The following NELL2 variants were observed in gnomAD, a reference collection of about 807,000 sequenced individuals.
NELL2 encodes the protein protein kinase C-binding protein NELL2.
In NELL2, 41 loss-of-function variants were observed where a neutral mutation model predicts 109.6. That is an observed-to-expected ratio of 0.37 (90% CI 0.29 to 0.49). The LOEUF (loss-of-function observed/expected upper bound fraction) is 0.49. Ranked by LOEUF, NELL2 falls within the 20% of genes least tolerant of loss-of-function variation. The pLI is 0.98. For synonymous variants in NELL2, 355 were observed against 344.7 expected (o/e 1.03, Z -0.33); for missense variants, 900 against 1,008.3 (o/e 0.89, Z 1.45).
chr12:44,880,830 T>TTTGTTG (rs1422181455), upstream of NELL2: 20 of 141,996 alleles, frequency 1.4e-4, no homozygotes, highest in African/African-American at 5.5e-4. Flanking sequence ...AGTTCTTTGT[T>TTTGTTG]TTGTTCTTGT....
At chr12:44,795,925 G>C (rs1381680338) in intron 3 of NELL2, among the ~76,000 whole-genome samples, 2 of 152,010 alleles carry the variant, frequency 1.3e-5, no homozygotes, top group Non-Finnish European at 2.9e-5. Context: ...TGATATTTTT[G>C]TTAATTCATT....
At chr12:44,790,682 T>C (rs773705161) in intron 3 of NELL2, among the ~76,000 whole-genome samples, 5 of 151,022 alleles carry the variant, frequency 3.3e-5, no homozygotes, top group Non-Finnish European at 7.4e-5. Context: ...ACATTGAATG[T>C]AAATGGCCTA....
chr12:44,553,571 G>A (rs1185904420), intron 15 of NELL2, among the ~76,000 whole-genome samples: 1 of 152,094 alleles, frequency 6.6e-6, no homozygotes, highest in Non-Finnish European at 1.5e-5. Flanking sequence ...CAAATATATA[G>A]TGAACTATGA....
intron 15 of NELL2, among the ~76,000 whole-genome samples, chr12:44,575,502 A>C (rs1944040019): frequency 6.6e-6 from 1 of 152,236 alleles, no homozygotes; most frequent in Admixed American, 6.5e-5. Flanking sequence ...ATAATTTATA[A>C]TAAAATATTA....
intron 1 of NELL2, among the ~76,000 whole-genome samples, chr12:44,907,290 G>A (rs755142446): frequency 7.2e-5 from 11 of 152,028 alleles, no homozygotes; most frequent in Admixed American, 3.9e-4. Context: ...CAAAGACTAT[G>A]AGAATAGACA....
chr12:44,542,384 A>G (rs1942615408), intron 15 of NELL2, among the ~76,000 whole-genome samples: 1 of 151,396 alleles, frequency 6.6e-6, no homozygotes. Context: ...TGTAGCTACC[A>G]AATTCTTAGT....
At chr12:44,858,469 C>T (rs1944745311) in intron 2 of NELL2, among the ~76,000 whole-genome samples, 2 of 152,152 alleles carry the variant, frequency 1.3e-5, no homozygotes, top group Non-Finnish European at 2.9e-5. Context: ...AAAAACAGTT[C>T]AGGGAATATG....
chr12:44,541,259 A>AAT (rs1200825331), intron 15 of NELL2, among the ~76,000 whole-genome samples: 4 of 150,262 alleles, frequency 2.7e-5, no homozygotes, highest in African/African-American at 9.7e-5. Flanking sequence ...TCAAAAAAAA[A>AAT]AAAAAAAGAA....
At chr12:44,624,971 A>C (rs1377001) in intron 13 of NELL2, among the ~76,000 whole-genome samples, 22,333 of 141,312 alleles carry the variant, frequency 0.16, 2,111 homozygotes, top group East Asian at 0.35. Flanking sequence ...AAAAGAGAAG[A>C]TGACAAATAT....
chr12:44,663,866 AT>A (rs1280604047), intron 13 of NELL2, among the ~76,000 whole-genome samples: 1 of 152,184 alleles, frequency 6.6e-6, no homozygotes. Context: ...TTCACTTAAA[AT>A]TTCTAACACT....
intron 2 of NELL2, among the ~76,000 whole-genome samples, chr12:44,825,972 G>A (rs1411347879): frequency 2.0e-5 from 3 of 151,862 alleles, no homozygotes; most frequent in African/African-American, 7.3e-5. Flanking sequence ...AACCTGGGAG[G>A]CGGAGGTTGC....
intron 16 of NELL2, among the ~76,000 whole-genome samples, chr12:44,528,097 CAAAAAA>C (rs71093812): frequency 0.019 from 406 of 21,860 alleles, 1 homozygote; most frequent in African/African-American, 0.063. Flanking sequence ...GACTCCGTCT[CAAAAAA>C]AAAAAAAAAA....
chr12:44,633,141 C>T (rs1481900514), intron 13 of NELL2, among the ~76,000 whole-genome samples: 1 of 151,774 alleles, frequency 6.6e-6, no homozygotes, highest in Non-Finnish European at 1.5e-5. Context: ...TTAATAGATG[C>T]TAAGAGGAAA....
At chr12:44,810,671 C>G (rs1943144785) in intron 3 of NELL2, among the ~76,000 whole-genome samples, 1 of 152,124 alleles carries the variant, frequency 6.6e-6, no homozygotes, top group Non-Finnish European at 1.5e-5. Context: ...GTAGGCAAGC[C>G]AGCTCCAGCA....
At chr12:44,627,690 C>G (rs1946315547) in intron 13 of NELL2, among the ~76,000 whole-genome samples, 1 of 152,020 alleles carries the variant, frequency 6.6e-6, no homozygotes, top group African/African-American at 2.4e-5. Flanking sequence ...ATAACTTGTT[C>G]CCCTTTCTTA....
chr12:44,686,839 A>C (rs1033836198), intron 12 of NELL2, among the ~76,000 whole-genome samples: 3 of 152,112 alleles, frequency 2.0e-5, no homozygotes, highest in African/African-American at 4.8e-5. Context: ...GGGGACATTT[A>C]AGTCTGCAGA....
intron 13 of NELL2, among the ~76,000 whole-genome samples, chr12:44,654,112 A>C (rs1037462653): frequency 1.3e-5 from 2 of 152,186 alleles, no homozygotes; most frequent in African/African-American, 2.4e-5. Context: ...TGAGCTCCCC[A>C]CAGCTCTCTG....
chr12:44,679,161 G>T (rs11182610), intron 12 of NELL2, among the ~76,000 whole-genome samples: 1 of 152,062 alleles, frequency 6.6e-6, no homozygotes, highest in Non-Finnish European at 1.5e-5. Flanking sequence ...TATTACTCCC[G>T]GGAGGAGAGG....
intron 1 of NELL2, among the ~76,000 whole-genome samples, chr12:44,898,466 A>T (rs1945620668): frequency 6.6e-6 from 1 of 152,210 alleles, no homozygotes; most frequent in Non-Finnish European, 1.5e-5. Flanking sequence ...GGCAAACAGG[A>T]TCTGGAGAGA....
Sources: gnomAD v4.1 joint callset for allele counts (sites outside exome capture counted in the v4.1 genomes callset) on GRCh38, gnomAD v4.1.1 for gene constraint, MANE v1.5 for transcripts, NCBI Gene and HGNC (gene_info 2026-07-23, HGNC 2026-07-21) for gene names.